The following PLCD3 variants were observed in gnomAD, a reference collection of about 807,000 sequenced individuals.
PLCD3 encodes phospholipase C delta 3.
In PLCD3, 62 loss-of-function variants were observed where a neutral mutation model predicts 82.8. The ratio of observed to expected loss-of-function variants is 0.75; its 90% CI spans 0.61 to 0.93. The LOEUF is 0.93. PLCD3 is among the 40% of genes least tolerant of loss of function. The probability of loss-of-function intolerance (pLI) is 0.00; values close to 1 mark genes in which losing one functional copy is unlikely to be tolerated. For missense variants in PLCD3, 1,023 were observed against 1,103.4 expected, an observed-to-expected ratio of 0.93 and a Z score of 1.03; for synonymous variants, 478 against 471.8, an observed-to-expected ratio of 1.01 and a Z score of -0.17.
chr17:45,112,713 A>G lies in PLCD3; in HGVS notation c.2282-9T>C, dbSNP rs753237029. On this transcript the variant is annotated splice_polypyrimidine_tract_variant and intron_variant, in intron 14 of 14. Coordinates refer to ENST00000619929, the MANE Select transcript of PLCD3 (RefSeq NM_133373.5). ...GTGTATGTGGCGGTACCCTGTAGGGAGGACAGCCAGGCCTCAGGTCCTCTG... is the reference window on the plus strand; with the variant it reads ...GTGTATGTGGCGGTACCCTGTAGGGGGGACAGCCAGGCCTCAGGTCCTCTG... The G allele has an allele frequency of 3.1e-6, 5 of 1,600,312 alleles. No homozygotes were observed. In the African/African-American group the frequency reaches 5.4e-5, roughly 17 times the overall value.
rs774723015 is a variant in PLCD3 at position 45,118,467 on chromosome 17, C to A, written c.939G>T (p.Leu313=). 1.2e-6 allele frequency: 2 copies of A among 1,613,966 alleles called. No homozygotes were observed. Among genetic ancestry groups the A allele is most frequent in the African/African-American group, 1.3e-5 (1 of 75,040 alleles). The change falls in exon 6 of 15, where the codon CTG becomes CTT. Residue 313 remains leucine, a synonymous_variant. Transcript: ENST00000619929. The surrounding 1 kb of genome is among the most constrained non-coding windows in gnomAD (Gnocchi z 4.1). ...ACAACAGGTACATCATGAAGCCATC[C>A]AGTGTCATCAGCTCATGCTGCTTGG... The part of the protein sequence containing the change: ...ETAKQHELMT[L]DGFMMYLLSP...
rs1171362546 is a variant in PLCD3, at chr17:45,118,537, C to T, written c.914-45G>A. On this transcript the variant is annotated intron_variant, in intron 5 of 14. Coordinates refer to ENST00000619929, the MANE Select transcript of PLCD3 (RefSeq NM_133373.5). This position sits in a 1 kb window ranked among gnomAD's most constrained non-coding sequence, Gnocchi z 4.1. ...GGGCATCAGGCCACATAGGGATCCCCCATGTCCAGCTTCCAATGCCCCCAA... is the reference window on the plus strand; with the variant it reads ...GGGCATCAGGCCACATAGGGATCCCTCATGTCCAGCTTCCAATGCCCCCAA... The T allele has an allele frequency of 6.2e-7, 1 of 1,602,550 alleles. No individual in the cohort carries two copies. The highest frequency in any genetic ancestry group is 2.2e-5 in the East Asian group (1 of 44,764).
At chr17:45,117,957 G>C (rs1269485281) in intron 7 of PLCD3, 37 bp downstream of exon 7, 5 of 1,609,098 alleles carry the variant, frequency 3.1e-6, no homozygotes, top group Non-Finnish European at 4.2e-6. Flanking sequence ...TCATTGGGAA[G>C]GCTGTGGGGC....
chr17:45,111,861 CCCG>C lies in PLCD3; in HGVS notation c.*752_*754del. 6.6e-6 allele frequency: 1 copy of C among 152,424 alleles called. No individual in the cohort carries two copies. Among genetic ancestry groups the C allele is most frequent in the East Asian group, 1.9e-4 (1 of 5,164 alleles). 9.4% of individuals were successfully genotyped at this position (152,424 alleles called of 1,614,324 possible). On this transcript the variant is annotated 3_prime_UTR_variant, in exon 15 of 15. Coordinates refer to ENST00000619929, the MANE Select transcript of PLCD3 (RefSeq NM_133373.5). ...GCAACATAGGGAGACCCCCGCCCCC[CCCG>C]CCATCTCTACATAAAATTTAAACAT...
At chr17:45,116,216 G>A (rs1438734448) in intron 8 of PLCD3, among the ~76,000 whole-genome samples, 2 of 152,204 alleles carry the variant, frequency 1.3e-5, no homozygotes, top group African/African-American at 4.8e-5. Flanking sequence ...TTGGGGAAGT[G>A]GATAAGGCCA....
In PLCD3 at chr17:45,112,554, G is replaced by A. The variant is rs2054251800; in HGVS notation, c.*62C>T. On this transcript the variant is annotated 3_prime_UTR_variant, in exon 15 of 15. Coordinates refer to ENST00000619929, the MANE Select transcript of PLCD3 (RefSeq NM_133373.5). ...CCCACCACCTGACTCCAGAGGAGGAGAGGGCTCTGCAGGGGATGTGGACTG... is the reference window on the plus strand; with the variant it reads ...CCCACCACCTGACTCCAGAGGAGGAAAGGGCTCTGCAGGGGATGTGGACTG... 40 of 1,482,886 alleles carry A rather than the reference G, an allele frequency of 2.7e-5. No homozygotes were observed. Among genetic ancestry groups the A allele is most frequent in the Non-Finnish European group, 3.7e-5 (40 of 1,085,150 alleles). 91.9% of individuals were successfully genotyped at this position (1,482,886 alleles called of 1,614,324 possible). A position where few individuals can be genotyped will look rare whatever the true frequency, so the allele number is the denominator to read the frequency against.
chr17:45,130,759 T>C lies in PLCD3; in HGVS notation c.163+1489A>G, dbSNP rs115547015. Among the ~76,000 whole-genome samples, 299 of 151,750 alleles carry C rather than the reference T, an allele frequency of 2.0e-3. 1 individual carries two copies. Among genetic ancestry groups the C allele is most frequent in the African/African-American group, 7.1e-3 (295 of 41,314 alleles). ...TCCACACTCACTCCTGCCCAAGCCC[T>C]TTCTGGGGCTCCTGATGCCCTCCAG... On this transcript the variant is annotated intron_variant, in intron 1 of 14. Coordinates refer to ENST00000619929, the MANE Select transcript of PLCD3 (RefSeq NM_133373.5).
chr17:45,119,011 C>T lies in PLCD3; in HGVS notation c.717G>A (p.Glu239=), dbSNP rs1419846175. The T allele has an allele frequency of 3.7e-6, 6 of 1,611,708 alleles. No homozygotes were observed. The highest frequency in any genetic ancestry group is 1.7e-4 in the Middle Eastern group (1 of 6,052). Residue 239 remains glutamate (E), a synonymous_variant, in exon 5 of 15, where the codon GAG becomes GAA. Transcript: ENST00000619929. ...ECDHSNNDRL[E]GAEIEEFLRR... ...GCAGGAACTCCTCGATCTCAGCCCC[C>T]TCTAGACGGTCGTTGTTGGAGTGGT...
chr17:45,131,015 C>G (rs541144554), intron 1 of PLCD3, among the ~76,000 whole-genome samples: 1 of 152,260 alleles, frequency 6.6e-6, no homozygotes, highest in East Asian at 1.9e-4. Flanking sequence ...CAGGGTGGAG[C>G]ATACCATAGG....
rs551568645 is a variant in PLCD3 at position 45,113,692 on chromosome 17, A to T, written c.1829-87T>A. ...CAGGGGACTGCATTCCTCTCTACAA[A>T]GGGCCTGGGGTCCCACTGTCTGCTT... is the stretch of plus-strand genomic sequence containing the variant. On this transcript the variant is annotated intron_variant, in intron 11 of 14. Coordinates refer to ENST00000619929, the MANE Select transcript of PLCD3 (RefSeq NM_133373.5). The T allele has an allele frequency of 6.8e-6, 10 of 1,465,620 alleles. No homozygotes were observed. In the South Asian group the frequency reaches 1.2e-4, roughly 18 times the overall value. The allele number at this position is 1,465,620 out of a possible 1,614,324, so 90.8% of individuals were successfully genotyped here.
intron 7 of PLCD3, among the ~76,000 whole-genome samples, chr17:45,117,584 A>C (rs1241849053): frequency 6.6e-6 from 1 of 152,164 alleles, no homozygotes; most frequent in Non-Finnish European, 1.5e-5. Context: ...TATGTCAGTG[A>C]TGTGAAAACT....
chr17:45,120,392 T>A lies in PLCD3; in HGVS notation c.617A>T (p.Glu206Val). The A allele has an allele frequency of 6.2e-7, 1 of 1,614,028 alleles. No homozygotes were observed. The highest frequency in any genetic ancestry group is 8.5e-7 in the Non-Finnish European group (1 of 1,179,872). The part of the protein sequence containing the change: ...SNQDSKMSFK[E>V]IKSLLRMVNV... ...GACCATTCTCAGCAGGCTCTTGATCTCCTTGAAGCTCATCTTGCTGTCCTG... is the reference window on the plus strand; with the variant it reads ...GACCATTCTCAGCAGGCTCTTGATCACCTTGAAGCTCATCTTGCTGTCCTG... The change falls in exon 4 of 15, where the codon GAG (glutamate) becomes GTG (valine). Residue 206 changes from glutamate to valine, a missense_variant. Coordinates refer to ENST00000619929, the MANE Select transcript of PLCD3 (RefSeq NM_133373.5).
rs772756009 is a variant in PLCD3 at position 45,112,255 on chromosome 17, G to A, written c.*361C>T. Reference sequence around the variant, plus strand: ...GGGGAAGGAGGCTGGGATGGCCCACGGGAGGACAGAGGGGAACTGAGGGCC... The same window carrying A: ...GGGGAAGGAGGCTGGGATGGCCCACAGGAGGACAGAGGGGAACTGAGGGCC... On this transcript the variant is annotated 3_prime_UTR_variant, in exon 15 of 15. Coordinates refer to ENST00000619929, the MANE Select transcript of PLCD3 (RefSeq NM_133373.5). 1.1e-5 allele frequency: 3 copies of A among 268,840 alleles called. No homozygotes were observed. Among genetic ancestry groups the A allele is most frequent in the East Asian group, 1.9e-4 (2 of 10,688 alleles). The allele number at this position is 268,840 out of a possible 1,614,324, so 16.7% of individuals were successfully genotyped here.
rs370221217 is a variant in PLCD3 at position 45,112,600 on chromosome 17, C to T, written c.*16G>A. 2.4e-5 allele frequency: 38 copies of T among 1,584,310 alleles called. No homozygotes were observed. The African/African-American group carries it at 3.8e-4, about 16-fold the overall frequency. On this transcript the variant is annotated 3_prime_UTR_variant, in exon 15 of 15. Transcript: ENST00000619929. ...GACTGGCACTCGCAGAACCCCAAGG[C>T]GAGTGAGGTGGGCCCTCAGGAGCGC...
At position 45,118,429 on chromosome 17, in the gene PLCD3, GC is replaced by G. The variant is rs761582590; in HGVS notation, c.976del (p.Ala326LeufsTer14). 1.2e-6 allele frequency: 2 copies of G among 1,614,042 alleles called. No homozygotes were observed. Among genetic ancestry groups the G allele is most frequent in the South Asian group, 2.2e-5 (2 of 91,086 alleles). Reference protein sequence around the residue: ...FMMYLLSPEGAALDNTHTCVF... With the variant: ...FMMYLLSPEGXALDNTHTCVF... ...ACACGTGTGGGTGTTGTCCAAGGCA[GC>G]CCCCTCCGGCGACAACAGGTACATC... is the stretch of plus-strand genomic sequence containing the variant. On this transcript the variant is annotated frameshift_variant, in exon 6 of 15. Transcript: ENST00000619929. LOFTEE classifies it high-confidence loss of function. This position sits in a 1 kb window ranked among gnomAD's most constrained non-coding sequence, Gnocchi z 4.1.
rs561829488 is a variant in PLCD3, at chr17:45,109,048, G to A, written c.*3568C>T. ...GTCCTGGTATTCCTGGTCAGCAGGT[G>A]GCAGTGGAAGAAATGGAGTGCTGGA... On this transcript the variant is annotated 3_prime_UTR_variant, in exon 15 of 15. Transcript: ENST00000619929. The A allele has an allele frequency of 6.5e-6, 1 of 152,830 alleles. No individual in the cohort carries two copies. The highest frequency in any genetic ancestry group is 1.9e-4 in the East Asian group (1 of 5,192). The allele number at this position is 152,830 out of a possible 1,614,324, so 9.5% of individuals were successfully genotyped here. A position where few individuals can be genotyped will look rare whatever the true frequency, so the allele number is the denominator to read the frequency against.
chr17:45,116,111 T>G (rs2054289297), intron 8 of PLCD3, among the ~76,000 whole-genome samples: 1 of 151,974 alleles, frequency 6.6e-6, no homozygotes, highest in South Asian at 2.1e-4. Context: ...GGAGGAGAGT[T>G]TTCTCAAGGA....
chr17:45,114,593 T>C (rs1410545776), intron 10 of PLCD3, among the ~76,000 whole-genome samples: 1 of 151,618 alleles, frequency 6.6e-6, no homozygotes, highest in Non-Finnish European at 1.5e-5. Flanking sequence ...AATTCCCAGC[T>C]CCTGACAAAG....
chr17:45,120,448 G>C lies in PLCD3; in HGVS notation c.561C>G (p.Ile187Met), dbSNP rs1299986078. The C allele has an allele frequency of 1.9e-6, 3 of 1,613,824 alleles. No homozygotes were observed. The highest frequency in any genetic ancestry group is 2.5e-6 in the Non-Finnish European group (3 of 1,179,864). Residue 187 changes from isoleucine to methionine, a missense_variant, in exon 4 of 15, where the codon ATC (isoleucine) becomes ATG (methionine). Physicochemically the swap from Ile to Met is conservative, Grantham distance 10. Around this residue, in one of 3 missense-constraint regions of PLCD3, gnomAD observed 448 missense variants for 406.3 expected, o/e 1.10. Coordinates refer to ENST00000619929, the MANE Select transcript of PLCD3 (RefSeq NM_133373.5). ...AGTCAGCCCGGTGCAGATAGGAGTG[G>C]ATCCAGGTGTGGGTGCTCAGGAAAT... ...MSQRERLDHW[I>M]HSYLHRADSN... is the part of the protein sequence containing the mutation.
Sources: allele counts gnomAD v4.1 joint callset (sites outside exome capture counted in the v4.1 genomes callset), GRCh38; gene constraint gnomAD v4.1.1; regional missense constraint gnomAD v4.1.1; non-coding constraint Gnocchi (gnomAD v3.1); transcripts MANE v1.5; gene names NCBI Gene and HGNC (gene_info 2026-07-23, HGNC 2026-07-21).